POU2AF2: variants seen among roughly 807,000 people sequenced by gnomAD.
POU2AF2 encodes POU class 2 homeobox associating factor 2.
chr11:111,264,491 C>CAAAAGAAAGAAAGAAAGAAAGAAA, the POU2AF2 span, among the ~76,000 whole-genome samples: 2 of 86,010 alleles, frequency 2.3e-5, no homozygotes, highest in African/African-American at 9.2e-5. Flanking sequence ...GCAAGACTCA[C>CAAAAGAAAGAAAGAAAGAAAGAAA]GAAAGAAAGA....
At chr11:111,246,292 G>T in the POU2AF2 span, among the ~76,000 whole-genome samples, 1 of 152,142 alleles carries the variant, frequency 6.6e-6, no homozygotes, top group Non-Finnish European at 1.5e-5. Flanking sequence ...TTTTATTCAT[G>T]CATCTTGTTT....
chr11:111,284,024 T>C, the POU2AF2 span: 9 of 1,565,486 alleles, frequency 5.7e-6, no homozygotes, highest in African/African-American at 9.5e-5. Context: ...AACCGAGGCC[T>C]TGACCGCCCT....
At chr11:111,285,565 T>A in the POU2AF2 span, 1 of 1,431,870 alleles carries the variant, frequency 7.0e-7, no homozygotes, top group Non-Finnish European at 9.3e-7. Context: ...GGACGAAGGC[T>A]GCCCTGAAGC....
At chr11:111,269,425 G>T in the POU2AF2 span, among the ~76,000 whole-genome samples, 1 of 152,002 alleles carries the variant, frequency 6.6e-6, no homozygotes, top group Non-Finnish European at 1.5e-5. Context: ...CCAACCACCT[G>T]CTCCCTCACA....
At chr11:111,263,096 A>G in the POU2AF2 span, among the ~76,000 whole-genome samples, 1 of 152,216 alleles carries the variant, frequency 6.6e-6, no homozygotes. Flanking sequence ...CAACTTTATT[A>G]ACTATAGCCC....
the POU2AF2 span, chr11:111,283,969 A>T: frequency 1.0e-6 from 1 of 960,722 alleles, no homozygotes; most frequent in Non-Finnish European, 1.6e-6. Context: ...CGTTGGAGTC[A>T]GGCACGCGTT....
the POU2AF2 span, among the ~76,000 whole-genome samples, chr11:111,265,924 T>C: frequency 2.0e-5 from 3 of 151,832 alleles, no homozygotes; most frequent in Non-Finnish European, 2.9e-5. Context: ...GATTGAGCTA[T>C]ACCACTGTCC....
At chr11:111,268,239 C>T in the POU2AF2 span, among the ~76,000 whole-genome samples, 2 of 152,228 alleles carry the variant, frequency 1.3e-5, no homozygotes, top group East Asian at 3.9e-4. Context: ...CCGAGGCATC[C>T]CGAGCTCTGC....
the POU2AF2 span, among the ~76,000 whole-genome samples, chr11:111,247,659 C>A: frequency 3.3e-5 from 5 of 150,662 alleles, no homozygotes; most frequent in East Asian, 2.0e-4. Context: ...TGGTGGCGGG[C>A]GCCTATAGTA....
At chr11:111,266,441 A>C in the POU2AF2 span, among the ~76,000 whole-genome samples, 1 of 152,172 alleles carries the variant, frequency 6.6e-6, no homozygotes, top group Non-Finnish European at 1.5e-5. Context: ...TCTCTGATTC[A>C]ACTAGAGTTT....
chr11:111,250,701 A>G, the POU2AF2 span, among the ~76,000 whole-genome samples: 1 of 152,240 alleles, frequency 6.6e-6, no homozygotes, highest in South Asian at 2.1e-4. Flanking sequence ...TAAGGGGATC[A>G]GGAGTATTTT....
the POU2AF2 span, among the ~76,000 whole-genome samples, chr11:111,271,551 A>G: frequency 1.3e-5 from 2 of 151,884 alleles, no homozygotes; most frequent in Non-Finnish European, 2.9e-5. Flanking sequence ...CCTCCCAAGT[A>G]GCTGGGACTT....
chr11:111,264,835 G>C, the POU2AF2 span, among the ~76,000 whole-genome samples: 2 of 142,438 alleles, frequency 1.4e-5, no homozygotes, highest in Admixed American at 7.4e-5. Context: ...GAAAGAAAGA[G>C]AGGAAGGAAG....
the POU2AF2 span, among the ~76,000 whole-genome samples, chr11:111,263,736 T>C: frequency 1.3e-5 from 2 of 152,006 alleles, no homozygotes; most frequent in Non-Finnish European, 2.9e-5. Flanking sequence ...CAGCCTGAAG[T>C]TCATATTCTA....
the POU2AF2 span, among the ~76,000 whole-genome samples, chr11:111,265,840 T>C: frequency 6.7e-6 from 1 of 148,258 alleles, no homozygotes; most frequent in African/African-American, 2.5e-5. Context: ...TGGGTAACTT[T>C]TGTAGGTTTG....
chr11:111,284,013 C>A, the POU2AF2 span: 1 of 1,480,966 alleles, frequency 6.8e-7, no homozygotes. Context: ...GACTCAGCTG[C>A]AACCGAGGCC....
At chr11:111,247,723 G>T in the POU2AF2 span, among the ~76,000 whole-genome samples, 3 of 151,816 alleles carry the variant, frequency 2.0e-5, no homozygotes, top group Non-Finnish European at 4.4e-5. Context: ...GGAGGTGGAG[G>T]TTGCAGTGAG....
chr11:111,271,058 C>G, the POU2AF2 span, among the ~76,000 whole-genome samples: 1 of 152,178 alleles, frequency 6.6e-6, no homozygotes, highest in African/African-American at 2.4e-5. Context: ...TGCAGTGGCT[C>G]ATGCCTGTAA....
At chr11:111,257,531 A>G in the POU2AF2 span, among the ~76,000 whole-genome samples, 1 of 151,400 alleles carries the variant, frequency 6.6e-6, no homozygotes, top group Admixed American at 6.6e-5. Context: ...ACCACGCCCC[A>G]CTAATTGTGT....
Sources: gnomAD v4.1 joint callset for allele counts (sites outside exome capture counted in the v4.1 genomes callset) on GRCh38, gnomAD v4.1.1 for gene constraint, MANE v1.5 for transcripts, NCBI Gene and HGNC (gene_info 2026-07-23, HGNC 2026-07-21) for gene names.